The following NRG4 variants were observed in gnomAD, a reference collection of about 807,000 sequenced individuals.
NRG4 encodes neuregulin 4, also known as pro-neuregulin-4, membrane-bound isoform.
Under a neutral mutation model 15.0 loss-of-function variants are expected in NRG4, and 10 were observed. The observed-to-expected ratio is 0.67, with a 90% CI of 0.41 to 1.13. The LOEUF is 1.13. Ranked by LOEUF, NRG4 falls within the 50% of genes most tolerant of loss-of-function variation. The pLI, the probability that NRG4 is intolerant of heterozygous loss-of-function variation, is 0.00. For missense variants in NRG4, 139 were observed against 140.2 expected, an observed-to-expected ratio of 0.99 and a Z score of 0.04; for synonymous variants, 41 against 50.1, an observed-to-expected ratio of 0.82 and a Z score of 0.77.
intron 3 of NRG4, among the ~76,000 whole-genome samples, chr15:75,978,261 T>C (rs1595980739): frequency 6.6e-6 from 1 of 152,202 alleles, no homozygotes; most frequent in Non-Finnish European, 1.5e-5. Flanking sequence ...CTGAGATCAA[T>C]ATTTTTTGGC....
intron 4 of NRG4, among the ~76,000 whole-genome samples, chr15:76,043,090 T>G (rs1412013449): frequency 6.6e-6 from 1 of 152,162 alleles, no homozygotes; most frequent in Non-Finnish European, 1.5e-5. Context: ...AAGCATCTGA[T>G]AAAATTCAAC....
Position 75,956,014 on chromosome 15 carries a change from G to T in NRG4, c.252-3C>A. 1 of 1,582,122 alleles carries T rather than the reference G, an allele frequency of 6.3e-7. No homozygotes were observed. The highest frequency in any genetic ancestry group is 1.1e-5 in the South Asian group (1 of 90,218). Reference sequence around the variant, plus strand: ...TGGCTCTCTGAAAGTGGCCTTTCCTGACAATAAAGAGGAGAGAAACACAAA... The same window carrying T: ...TGGCTCTCTGAAAGTGGCCTTTCCTTACAATAAAGAGGAGAGAAACACAAA... On this transcript the variant is annotated splice_region_variant and splice_polypyrimidine_tract_variant and intron_variant, in intron 4 of 5. Coordinates refer to ENST00000394907, the MANE Select transcript of NRG4 (RefSeq NM_138573.4).
At chr15:76,027,075 T>C (rs893658438) in intron 5 of NRG4, among the ~76,000 whole-genome samples, 1 of 152,014 alleles carries the variant, frequency 6.6e-6, no homozygotes, top group Non-Finnish European at 1.5e-5. Context: ...GAGCTGAGAT[T>C]GTGCCACTGT....
intron 5 of NRG4, among the ~76,000 whole-genome samples, chr15:76,021,400 G>C (rs2035149744): frequency 3.3e-5 from 5 of 152,104 alleles, no homozygotes; most frequent in Admixed American, 3.3e-4. Context: ...ATACCTAATA[G>C]GCTATAGTAT....
In NRG4 at chr15:75,944,870, C is replaced by CTAA. The variant is rs1235282290; in HGVS notation, c.332-1219_332-1217dup. On this transcript the variant is annotated intron_variant, in intron 5 of 5. Transcript: ENST00000394907. ...AATGAACTAATTTTGTCAGCTGAGC[C>CTAA]TAATACCTTACCCCTGTTTTTAACC... is the stretch of plus-strand genomic sequence containing the variant. 2.0e-5 allele frequency among the ~76,000 whole-genome samples: 3 copies of CTAA among 152,052 alleles called. No individual in the cohort carries two copies. In the South Asian group the frequency reaches 6.2e-4, roughly 32 times the overall value.
At chr15:75,986,459 A>G (rs988624278) in intron 3 of NRG4, among the ~76,000 whole-genome samples, 5 of 152,194 alleles carry the variant, frequency 3.3e-5, no homozygotes, top group Admixed American at 3.3e-4. Flanking sequence ...TGCATAAAAT[A>G]TAATACTATG....
intron 3 of NRG4, among the ~76,000 whole-genome samples, chr15:75,998,598 G>A (rs1032005635): frequency 6.6e-6 from 1 of 152,172 alleles, no homozygotes; most frequent in African/African-American, 2.4e-5. Context: ...ATATCATTAA[G>A]GTTTTATAGG....
intron 3 of NRG4, among the ~76,000 whole-genome samples, chr15:76,003,703 A>T (rs1380865814): frequency 6.6e-6 from 1 of 152,218 alleles, no homozygotes; most frequent in Non-Finnish European, 1.5e-5. Context: ...GACTCCTCAC[A>T]GAGAAGGGAT....
chr15:76,048,542 A>G (rs1230393744), intron 4 of NRG4, among the ~76,000 whole-genome samples: 1 of 150,754 alleles, frequency 6.6e-6, no homozygotes, highest in African/African-American at 2.5e-5. Flanking sequence ...CCACATGGCA[A>G]TACCAAACTT....
intron 2 of NRG4, among the ~76,000 whole-genome samples, chr15:76,053,579 G>T (rs1205606831): frequency 6.6e-6 from 1 of 150,472 alleles, no homozygotes; most frequent in Non-Finnish European, 1.5e-5. Flanking sequence ...ACAGAGTCTT[G>T]CTCTGTCTCA....
At chr15:75,991,232 T>C (rs979078420) in intron 3 of NRG4, among the ~76,000 whole-genome samples, 4 of 152,200 alleles carry the variant, frequency 2.6e-5, no homozygotes, top group African/African-American at 9.6e-5. Context: ...CTCAACTTTA[T>C]TGTGTGAAAG....
upstream of NRG4, among the ~76,000 whole-genome samples, chr15:76,017,051 T>C (rs918699253): frequency 6.6e-6 from 1 of 152,092 alleles, no homozygotes; most frequent in East Asian, 1.9e-4. Flanking sequence ...ATCTCTTCTT[T>C]CTGCATTGAT....
intron 5 of NRG4, among the ~76,000 whole-genome samples, chr15:76,024,553 T>C (rs1328262203): frequency 1.3e-5 from 2 of 152,218 alleles, no homozygotes; most frequent in Non-Finnish European, 2.9e-5. Context: ...AAGCCACCCC[T>C]GGCAGGCATA....
Position 75,974,102 on chromosome 15 carries a change from G to T in NRG4, c.105-12128C>A, listed in dbSNP as rs147098053. ...CTTCCTGGTTTAGTGTTGGGAGGGG[G>T]TATGTGTTAAGGAATTTATCCATTT... On this transcript the variant is annotated intron_variant, in intron 3 of 5. Transcript: ENST00000394907. Among the ~76,000 whole-genome samples the T allele has an allele frequency of 9.3e-3, 1,423 of 152,200 alleles. 21 individuals are homozygous for T. Among genetic ancestry groups the T allele is most frequent in the African/African-American group, 0.031 (1,276 of 41,508 alleles).
At chr15:75,949,055 A>C (rs889136988) in intron 5 of NRG4, among the ~76,000 whole-genome samples, 1 of 152,198 alleles carries the variant, frequency 6.6e-6, no homozygotes, top group African/African-American at 2.4e-5. Flanking sequence ...ACCCTGTCTC[A>C]AACAAAGAAG....
chr15:76,025,870 T>C (rs1002042611), intron 5 of NRG4, among the ~76,000 whole-genome samples: 7 of 151,622 alleles, frequency 4.6e-5, no homozygotes, highest in African/African-American at 1.7e-4. Context: ...GAGTGAGACT[T>C]TGTCTCAAAA....
At chr15:76,058,764 T>A (rs2036218100) in intron 1 of NRG4, among the ~76,000 whole-genome samples, 1 of 152,182 alleles carries the variant, frequency 6.6e-6, no homozygotes, top group South Asian at 2.1e-4. Context: ...CGCAACACCC[T>A]ATAGGAAAAT....
intron 5 of NRG4, among the ~76,000 whole-genome samples, chr15:76,033,395 C>T (rs1334700291): frequency 6.6e-6 from 1 of 151,968 alleles, no homozygotes; most frequent in Non-Finnish European, 1.5e-5. Flanking sequence ...ATCTGTATTT[C>T]AAAAAATAAA....
intron 5 of NRG4, among the ~76,000 whole-genome samples, chr15:75,949,237 C>T (rs191909452): frequency 1.9e-4 from 29 of 152,172 alleles, no homozygotes; most frequent in South Asian, 4.2e-4. Context: ...CACCAAACCC[C>T]GTCTCTACCG....
Sources: allele counts gnomAD v4.1 joint callset (sites outside exome capture counted in the v4.1 genomes callset), GRCh38; gene constraint gnomAD v4.1.1; transcripts MANE v1.5; gene names NCBI Gene and HGNC (gene_info 2026-07-23, HGNC 2026-07-21).